The following DMXL2 variants were observed in gnomAD, a reference collection of about 807,000 sequenced individuals.
The protein encoded by DMXL2 is dmX-like protein 2.
A neutral mutation model predicts 331.1 loss-of-function variants in DMXL2; 103 were observed. The observed-to-expected ratio is 0.31, with a 90% CI of 0.27 to 0.37. The LOEUF (loss-of-function observed/expected upper bound fraction) is 0.37, where lower values mean the gene tolerates loss of function less well. Ranked by LOEUF, DMXL2 falls within the 10% of genes least tolerant of loss-of-function variation. The pLI, the probability that DMXL2 is intolerant of heterozygous loss-of-function variation, is 1.00. For missense variants in DMXL2, 3,171 were observed against 3,642.9 expected (o/e 0.87, Z 3.33); for synonymous variants, 1,281 against 1,252.1 (o/e 1.02, Z -0.49).
At chr15:51,568,440 AAAGTT>A (rs2050437312) in intron 3 of DMXL2, 42 bp downstream of exon 3, 16 of 1,268,240 alleles carry the variant, frequency 1.3e-5, no homozygotes, top group Non-Finnish European at 1.8e-5. Context: ...ATTGGATTCT[AAAGTT>A]AACTAGATTC....
chr15:51,579,327 C>T (rs1438111873), intron 1 of DMXL2, among the ~76,000 whole-genome samples: 1 of 152,042 alleles, frequency 6.6e-6, no homozygotes, highest in African/African-American at 2.4e-5. Flanking sequence ...AAAAAGTGCA[C>T]AGGGGCATTT....
chr15:51,497,016 T>C (rs2043230973), intron 18 of DMXL2, among the ~76,000 whole-genome samples: 1 of 152,220 alleles, frequency 6.6e-6, no homozygotes, highest in Non-Finnish European at 1.5e-5. Context: ...TATTAGAAAG[T>C]ATAAACTATT....
intron 22 of DMXL2, among the ~76,000 whole-genome samples, chr15:51,487,445 C>T (rs1050276225): frequency 4.0e-5 from 6 of 148,532 alleles, no homozygotes; most frequent in African/African-American, 1.5e-4. Flanking sequence ...ATGCAATGTG[C>T]CATATATGAA....
chr15:51,609,093 A>G (rs2053783618), intron 1 of DMXL2, among the ~76,000 whole-genome samples: 1 of 151,716 alleles, frequency 6.6e-6, no homozygotes, highest in African/African-American at 2.4e-5. Flanking sequence ...AATAAGTGAA[A>G]TAAGTTAAGA....
intron 13 of DMXL2, among the ~76,000 whole-genome samples, chr15:51,519,241 C>A (rs962085745): frequency 1.3e-5 from 2 of 151,956 alleles, no homozygotes; most frequent in African/African-American, 4.8e-5. Context: ...CTCAGCCTCC[C>A]AAGTAACTAG....
intron 9 of DMXL2, 91 bp downstream of exon 9, chr15:51,542,239 AAAT>A: frequency 8.0e-7 from 1 of 1,244,814 alleles, no homozygotes; most frequent in Non-Finnish European, 1.1e-6. Flanking sequence ...AGGCAACATG[AAAT>A]AATAAAAAAC....
At chr15:51,536,118 A>G (rs762827958) in intron 12 of DMXL2, 48 bp downstream of exon 12, 3 of 1,430,884 alleles carry the variant, frequency 2.1e-6, no homozygotes, top group African/African-American at 2.9e-5. Context: ...TATAACAAAT[A>G]ATAGTTTAAA....
At chr15:51,550,396 T>C (rs912927309) in intron 6 of DMXL2, among the ~76,000 whole-genome samples, 6 of 152,304 alleles carry the variant, frequency 3.9e-5, no homozygotes, top group African/African-American at 1.4e-4. Context: ...TATAATTGTA[T>C]ACATTTACAT....
chr15:51,525,395 TA>T (rs1399010438), intron 13 of DMXL2, among the ~76,000 whole-genome samples: 11 of 152,012 alleles, frequency 7.2e-5, no homozygotes, highest in African/African-American at 2.7e-4. Context: ...GCACATATAT[TA>T]AAATTGGAGA....
chr15:51,454,140 G>A (rs1288300748), intron 40 of DMXL2: 1 of 155,588 alleles, frequency 6.4e-6, no homozygotes, highest in Non-Finnish European at 1.4e-5. Context: ...CATAGACAAG[G>A]TACAGTCTAT....
intron 6 of DMXL2, among the ~76,000 whole-genome samples, chr15:51,549,280 T>C (rs1274426025): frequency 6.6e-6 from 1 of 152,126 alleles, no homozygotes; most frequent in Non-Finnish European, 1.5e-5. Context: ...TTGCTGCGAA[T>C]GTCATTTCAT....
At chr15:51,579,237 C>G (rs745499527) in intron 1 of DMXL2, among the ~76,000 whole-genome samples, 5 of 152,162 alleles carry the variant, frequency 3.3e-5, no homozygotes, top group Non-Finnish European at 7.3e-5. Flanking sequence ...ACCAGAGTTA[C>G]GCAATGCCTA....
rs559694212 is a variant in DMXL2 at position 51,513,136 on chromosome 15, G to A, written c.2644+1306C>T. Reference sequence around the variant, plus strand: ...AAGAAAGCACTGAGGAAATCTTTTGGCCTGATTTAGCAGTGGCATAACAAA... The same window carrying A: ...AAGAAAGCACTGAGGAAATCTTTTGACCTGATTTAGCAGTGGCATAACAAA... On this transcript the variant is annotated intron_variant, in intron 15 of 43. Coordinates refer to ENST00000560891, the MANE Select transcript of DMXL2 (RefSeq NM_001378457.1). Among the ~76,000 whole-genome samples, 3 of 152,182 alleles carry A rather than the reference G, an allele frequency of 2.0e-5. No homozygotes were observed. The South Asian group carries it at 6.2e-4, about 32-fold the overall frequency.
chr15:51,541,867 T>G lies in DMXL2; in HGVS notation c.1105+466A>C, dbSNP rs76882381. ...AAAAGGGAAAAGAAAATATTCAGGT[T>G]AGAAGGAAAAGTGTTTTCCTTAGTA... On this transcript the variant is annotated intron_variant, in intron 9 of 43. Coordinates refer to ENST00000560891, the MANE Select transcript of DMXL2 (RefSeq NM_001378457.1). Among the ~76,000 whole-genome samples the G allele has an allele frequency of 6.0e-3, 910 of 152,234 alleles. 9 individuals carry two copies. Among genetic ancestry groups the G allele is most frequent in the African/African-American group, 0.021 (859 of 41,528 alleles).
intron 6 of DMXL2, among the ~76,000 whole-genome samples, chr15:51,554,410 T>C (rs1024269736): frequency 2.0e-5 from 3 of 152,188 alleles, no homozygotes; most frequent in Non-Finnish European, 4.4e-5. Flanking sequence ...CTGCCTGTTT[T>C]AGAGATCAAG....
At chr15:51,540,986 G>T (rs2048562867) in intron 9 of DMXL2, among the ~76,000 whole-genome samples, 1 of 152,088 alleles carries the variant, frequency 6.6e-6, no homozygotes, top group South Asian at 2.1e-4. Flanking sequence ...TTTCTAATAT[G>T]TATTGAATTT....
chr15:51,451,259 T>G (rs544071792), intron 42 of DMXL2, among the ~76,000 whole-genome samples: 4 of 152,090 alleles, frequency 2.6e-5, no homozygotes, highest in Non-Finnish European at 5.9e-5. Context: ...ATGACCTTGA[T>G]CTCCACAAAA....
At chr15:51,479,371 A>C (rs182097892) in intron 25 of DMXL2, among the ~76,000 whole-genome samples, 72 of 152,348 alleles carry the variant, frequency 4.7e-4, no homozygotes, top group African/African-American at 1.7e-3. Context: ...AAGTCTGATC[A>C]GCTAGCTCCC....
intron 2 of DMXL2, among the ~76,000 whole-genome samples, chr15:51,570,487 A>G (rs1320558986): frequency 6.6e-6 from 1 of 152,278 alleles, no homozygotes; most frequent in Non-Finnish European, 1.5e-5. Context: ...AAGACACATA[A>G]TCATCAGATT....
Sources: gnomAD v4.1 joint callset for allele counts (sites outside exome capture counted in the v4.1 genomes callset) on GRCh38, gnomAD v4.1.1 for gene constraint, MANE v1.5 for transcripts, NCBI Gene and HGNC (gene_info 2026-07-23, HGNC 2026-07-21) for gene names.